TNRC18: variants seen among roughly 807,000 people sequenced by gnomAD.
The protein encoded by TNRC18 is trinucleotide repeat-containing gene 18 protein.
A neutral mutation model predicts 226.7 loss-of-function variants in TNRC18; 69 were observed. That is an observed-to-expected ratio of 0.30 (90% CI 0.25 to 0.37). The LOEUF (loss-of-function observed/expected upper bound fraction) is 0.37. Among genes scored for constraint, TNRC18 ranks in the 10% least tolerant of loss-of-function variants. TNRC18 has a pLI of 1.00. For synonymous variants in TNRC18, 2,449 were observed against 1,927.6 expected (o/e 1.27, Z -7.09); for missense variants, 4,754 against 4,256.6 (o/e 1.12, Z -3.25).
chr7:5,388,614 C>T lies in TNRC18; in HGVS notation c.1210G>A (p.Ala404Thr). Residue 404 changes from alanine (A) to threonine (T), a missense_variant, in exon 5 of 30, where the codon GCT (alanine) becomes ACT (threonine). Coordinates refer to ENST00000430969, the MANE Select transcript of TNRC18 (RefSeq NM_001080495.3). ...GCCTGCAGGACCCCTGGCCTGCCAG[C>T]CTCGCGCTCGCGGGCCCGGGCATCG... is the stretch of plus-strand genomic sequence containing the variant. ...ARDARARERE[A>T]GRPGVLQAPP... 2.3e-6 allele frequency: 3 copies of T among 1,289,138 alleles called. No homozygotes were observed. Among genetic ancestry groups the T allele is most frequent in the Non-Finnish European group, 2.9e-6 (3 of 1,017,812 alleles). 79.9% of individuals were successfully genotyped at this position (1,289,138 alleles called of 1,614,324 possible). A position where few individuals can be genotyped will look rare whatever the true frequency, so the allele number is the denominator to read the frequency against.
intron 17 of TNRC18, among the ~76,000 whole-genome samples, chr7:5,350,235 G>A (rs1028892944): frequency 1.2e-4 from 18 of 152,032 alleles, no homozygotes; most frequent in Admixed American, 3.3e-4. Flanking sequence ...CCAGTGGGTC[G>A]GGGGCCTCTC....
In TNRC18 at chr7:5,307,163, ATAATC is replaced by A. The variant is rs1234395178; in HGVS notation, c.*938_*942del. On this transcript the variant is annotated 3_prime_UTR_variant, in exon 30 of 30. Coordinates refer to ENST00000430969, the MANE Select transcript of TNRC18 (RefSeq NM_001080495.3). ...GCCGGTGAAGCCGGTGCTAGACACT[ATAATC>A]TAACAGGAAATAAAAAATAATATTC... The A allele has an allele frequency of 9.9e-5, 15 of 151,348 alleles. No homozygotes were observed. The highest frequency in any genetic ancestry group is 2.1e-4 in the South Asian group (1 of 4,810). The allele number at this position is 151,348 out of a possible 1,614,324, so 9.4% of individuals were successfully genotyped here.
At chr7:5,317,531 C>A (rs1236810018) in intron 24 of TNRC18, among the ~76,000 whole-genome samples, 1 of 151,964 alleles carries the variant, frequency 6.6e-6, no homozygotes, top group Non-Finnish European at 1.5e-5. Context: ...GTGGAGGCTG[C>A]AGTAAGCTGA....
intron 18 of TNRC18, 84 bp from the exon 19 acceptor site, chr7:5,333,133 C>G (rs1013094534): frequency 2.1e-6 from 3 of 1,448,692 alleles, no homozygotes; most frequent in East Asian, 2.5e-5. Flanking sequence ...CCATTCCTCC[C>G]CGGCGGGACC....
intron 12 of TNRC18, 36 bp from the exon 13 acceptor site, chr7:5,362,069 G>T: frequency 1.2e-6 from 2 of 1,605,408 alleles, no homozygotes; most frequent in Non-Finnish European, 1.7e-6. Context: ...AGGGGGTGAG[G>T]ATGCCACTGC....
At chr7:5,325,317 C>G in intron 19 of TNRC18, 69 bp from the exon 20 acceptor site, 1 of 1,502,998 alleles carries the variant, frequency 6.7e-7, no homozygotes, top group Middle Eastern at 1.8e-4. Context: ...CCCTGTCCCC[C>G]TCACTCACTC....
chr7:5,363,226 C>A (rs1275719334), intron 11 of TNRC18, among the ~76,000 whole-genome samples: 1 of 151,824 alleles, frequency 6.6e-6, no homozygotes, highest in African/African-American at 2.4e-5. Context: ...CCACTTGAAC[C>A]CGGGAGGCAG....
intron 2 of TNRC18, among the ~76,000 whole-genome samples, chr7:5,395,617 G>A (rs969637566): frequency 2.0e-5 from 3 of 152,236 alleles, no homozygotes; most frequent in African/African-American, 4.8e-5. Context: ...ACCAGGTCTC[G>A]GTTTGCACAT....
intron 14 of TNRC18, among the ~76,000 whole-genome samples, chr7:5,359,790 A>C (rs1469901592): frequency 1.3e-5 from 2 of 152,064 alleles, no homozygotes; most frequent in African/African-American, 2.4e-5. Flanking sequence ...AAGAAGGAAG[A>C]AAGCATTTTC....
chr7:5,394,601 G>C lies in TNRC18; in HGVS notation c.188-6C>G, dbSNP rs1780536281. The C allele has an allele frequency of 4.5e-6, 7 of 1,542,736 alleles. No homozygotes were observed. Among genetic ancestry groups the C allele is most frequent in the African/African-American group, 1.4e-5 (1 of 72,268 alleles). ...GCTGCCCAAGAAGGCCTCGCCTGCA[G>C]AGAGAAGTTGGGAGGACCGTCAGGC... On this transcript the variant is annotated splice_polypyrimidine_tract_variant and splice_region_variant and intron_variant, in intron 2 of 29. Coordinates refer to ENST00000430969, the MANE Select transcript of TNRC18 (RefSeq NM_001080495.3). The surrounding 1 kb of genome is among the most constrained non-coding windows in gnomAD (Gnocchi z 4.5).
intron 18 of TNRC18, 45 bp downstream of exon 18, chr7:5,345,517 G>GACCCCCCCCCCCC: frequency 1.3e-5 from 5 of 377,744 alleles, no homozygotes; most frequent in South Asian, 4.4e-5. Context: ...AATGGCGTCC[G>GACCCCCCCCCCCC]CCCCTCCCAC....
chr7:5,308,918 G>A lies in TNRC18; in HGVS notation c.8657C>T (p.Pro2886Leu), dbSNP rs751724383. 1.1e-5 allele frequency: 16 copies of A among 1,428,964 alleles called. No individual in the cohort carries two copies. Among genetic ancestry groups the A allele is most frequent in the East Asian group, 3.4e-5 (1 of 29,518 alleles). The allele number at this position is 1,428,964 out of a possible 1,614,324, so 88.5% of individuals were successfully genotyped here. A position where few individuals can be genotyped will look rare whatever the true frequency, so the allele number is the denominator to read the frequency against. Reference protein sequence around the residue: ...HWDQKSSRSLPAALRVSSQRK... With the variant: ...HWDQKSSRSLLAALRVSSQRK... The stretch of plus-strand genomic sequence containing the variant: ...CTGGCTGGAGACCCGCAGGGCCGCC[G>A]GGAGGCTGCGGCTGGACTTCTGGTC... The change falls in exon 29 of 30, where the codon CCG becomes CTG. Residue 2886 changes from proline (P) to leucine (L), a missense_variant. Coordinates refer to ENST00000430969, the MANE Select transcript of TNRC18 (RefSeq NM_001080495.3).
intron 11 of TNRC18, among the ~76,000 whole-genome samples, chr7:5,366,960 C>T (rs1338794516): frequency 5.3e-5 from 8 of 152,150 alleles, no homozygotes; most frequent in African/African-American, 1.9e-4. Context: ...AATCCTAACC[C>T]CTAGTAACCT....
chr7:5,339,705 G>A (rs975995862), intron 18 of TNRC18, among the ~76,000 whole-genome samples: 4 of 151,896 alleles, frequency 2.6e-5, no homozygotes, highest in Admixed American at 6.6e-5. Context: ...GAGTAGTTGG[G>A]ATTACAGGCG....
intron 5 of TNRC18, among the ~76,000 whole-genome samples, chr7:5,386,367 A>T (rs1368048558): frequency 6.6e-6 from 1 of 152,124 alleles, no homozygotes; most frequent in Non-Finnish European, 1.5e-5. Context: ...ATCTGAGGTC[A>T]GAAGTTTGAG....
intron 2 of TNRC18, chr7:5,407,173 C>A (rs1300203420): frequency 6.6e-6 from 1 of 152,356 alleles, no homozygotes; most frequent in Admixed American, 6.5e-5. Context: ...GGCACTGCGG[C>A]TGGGCTATCA....
chr7:5,354,809 T>C (rs1171235717), intron 16 of TNRC18, among the ~76,000 whole-genome samples: 1 of 152,204 alleles, frequency 6.6e-6, no homozygotes, highest in Admixed American at 6.5e-5. Flanking sequence ...TCTGCCCACG[T>C]AAGCTCACTT....
At position 5,378,562 on chromosome 7, in the gene TNRC18, G is replaced by C. The variant is rs187648958; in HGVS notation, c.2153-538C>G. ...GCCTCCCAAGTAGCTGGGACTACAG[G>C]TGCCCACCACCACGCCCCGCTAGTT... is the stretch of plus-strand genomic sequence containing the variant. On this transcript the variant is annotated intron_variant, in intron 5 of 29. Coordinates refer to ENST00000430969, the MANE Select transcript of TNRC18 (RefSeq NM_001080495.3). Among the ~76,000 whole-genome samples, 115 of 151,946 alleles carry C rather than the reference G, an allele frequency of 7.6e-4. 1 individual carries two copies. In the East Asian group the frequency reaches 0.02, roughly 27 times the overall value.
chr7:5,308,739 G>A (rs1786867883), intron 29 of TNRC18, 136 bp downstream of exon 29: 3 of 894,360 alleles, frequency 3.4e-6, no homozygotes, highest in Non-Finnish European at 5.2e-6. Flanking sequence ...CACTGAGAGT[G>A]GCAGGGACAG....
Sources: allele counts gnomAD v4.1 joint callset (sites outside exome capture counted in the v4.1 genomes callset), GRCh38; gene constraint gnomAD v4.1.1; non-coding constraint Gnocchi (gnomAD v3.1); transcripts MANE v1.5; gene names NCBI Gene and HGNC (gene_info 2026-07-23, HGNC 2026-07-21).